Variants in EPSTI1 observed in about 807,000 individuals in gnomAD.
EPSTI1 encodes epithelial stromal interaction 1.
In EPSTI1, 66 loss-of-function variants were observed where a neutral mutation model predicts 49.9. The observed-to-expected ratio is 1.32, with a 90% CI of 1.08 to 1.62. The LOEUF is 1.62. Among genes scored for constraint, EPSTI1 ranks in the 40% most tolerant of loss-of-function variants. EPSTI1 has a pLI of 0.00. For synonymous variants in EPSTI1, 137 were observed against 130.7 expected, an observed-to-expected ratio of 1.05 and a Z score of -0.33; for missense variants, 394 against 365.5, an observed-to-expected ratio of 1.08 and a Z score of -0.64.
chr13:42,897,231 T>C (rs1296681704), intron 9 of EPSTI1, among the ~76,000 whole-genome samples: 2 of 152,206 alleles, frequency 1.3e-5, no homozygotes, highest in East Asian at 1.9e-4. Flanking sequence ...CTAGTCTCTA[T>C]GTGGCTGGTT....
At position 42,888,461 on chromosome 13, in the gene EPSTI1, G is replaced by T. The variant is rs142443045; in HGVS notation, c.*33C>A. 5.2e-5 allele frequency: 84 copies of T among 1,613,914 alleles called. No homozygotes were observed. Among genetic ancestry groups the T allele is most frequent in the Non-Finnish European group, 6.7e-5 (79 of 1,179,958 alleles). On this transcript the variant is annotated 3_prime_UTR_variant, in exon 11 of 11. Transcript: ENST00000313624. ...CATCTCATGAGGCTTTTCGAGGTCA[G>T]TTGATGAAGGCCAGATAGGAGTCAA...
At chr13:42,954,393 T>C (rs2039196755) in intron 5 of EPSTI1, among the ~76,000 whole-genome samples, 2 of 152,222 alleles carry the variant, frequency 1.3e-5, no homozygotes, top group Admixed American at 6.5e-5. Flanking sequence ...TTATAATAAA[T>C]GGTTAAACAG....
At position 42,888,002 on chromosome 13, in the gene EPSTI1, AATTT is replaced by A. The variant is rs897218872; in HGVS notation, c.*488_*491del. 6 of 315,644 alleles carry A rather than the reference AATTT, an allele frequency of 1.9e-5. No homozygotes were observed. The highest frequency in any genetic ancestry group is 6.4e-5 in the African/African-American group (3 of 46,518). The allele number at this position is 315,644 out of a possible 1,614,324, so 19.6% of individuals were successfully genotyped here. On this transcript the variant is annotated 3_prime_UTR_variant, in exon 11 of 11. Transcript: ENST00000313624. The stretch of plus-strand genomic sequence containing the variant: ...ACCCATTTATACAGAAGGAGTTCAA[AATTT>A]ATTTATAAATTTGTGTAAAAGAATA...
intron 6 of EPSTI1, among the ~76,000 whole-genome samples, chr13:42,930,188 G>A (rs2038316658): frequency 6.6e-6 from 1 of 152,168 alleles, no homozygotes; most frequent in South Asian, 2.1e-4. Flanking sequence ...GCGTGTCTTA[G>A]GAACTGTCTG....
At chr13:42,890,845 G>A (rs190281654) in intron 10 of EPSTI1, among the ~76,000 whole-genome samples, 24 of 151,688 alleles carry the variant, frequency 1.6e-4, no homozygotes, top group Admixed American at 1.1e-3. Context: ...ATATCTTAAC[G>A]GAAATGTTTT....
Position 42,964,081 on chromosome 13 carries a change from A to T in EPSTI1, c.390T>A (p.Ser130=). 1 of 1,613,516 alleles carries T rather than the reference A, an allele frequency of 6.2e-7. No individual in the cohort carries two copies. Among genetic ancestry groups the T allele is most frequent in the Non-Finnish European group, 8.5e-7 (1 of 1,179,702 alleles). Residue 130 remains serine (S), a synonymous_variant, in exon 4 of 11, where the codon TCT becomes TCA. Coordinates refer to ENST00000313624, the MANE Select transcript of EPSTI1 (RefSeq NM_033255.5). ...GAATTCTGACCTTTTGCTTGTATTT[A>T]GATTGCATCAGCTGGAGTTGTTGTT... is the stretch of plus-strand genomic sequence containing the variant. ...RQKQQLQLMQ[S]KYKQKLKREE...
At chr13:42,901,713 T>C (rs2037358024) in intron 8 of EPSTI1, among the ~76,000 whole-genome samples, 1 of 152,232 alleles carries the variant, frequency 6.6e-6, no homozygotes, top group Non-Finnish European at 1.5e-5. Flanking sequence ...CTGCATGTGG[T>C]TTCATAAGTA....
At chr13:42,963,551 G>T in intron 4 of EPSTI1, 1 of 560,062 alleles carries the variant, frequency 1.8e-6, no homozygotes, top group Non-Finnish European at 3.1e-6. Flanking sequence ...TTTCTTCCTT[G>T]GTCTGTCTCT....
intron 10 of EPSTI1, among the ~76,000 whole-genome samples, chr13:42,890,868 A>T (rs962975956): frequency 2.2e-4 from 34 of 151,500 alleles, no homozygotes; most frequent in Non-Finnish European, 3.7e-4. Flanking sequence ...ATGTATTTTT[A>T]TTATTATTAT....
At chr13:42,940,009 C>G (rs1265002219) in intron 6 of EPSTI1, among the ~76,000 whole-genome samples, 3 of 152,186 alleles carry the variant, frequency 2.0e-5, no homozygotes, top group Non-Finnish European at 2.9e-5. Context: ...AATCTATTCA[C>G]AACACAGCAA....
chr13:42,950,346 T>G (rs190873933), intron 6 of EPSTI1, among the ~76,000 whole-genome samples: 2 of 152,384 alleles, frequency 1.3e-5, no homozygotes, highest in East Asian at 3.9e-4. Flanking sequence ...TCTGCTTGTG[T>G]ATTTTCAGCC....
At chr13:42,897,016 C>T (rs1307198208) in intron 9 of EPSTI1, among the ~76,000 whole-genome samples, 1 of 150,930 alleles carries the variant, frequency 6.6e-6, no homozygotes, top group Non-Finnish European at 1.5e-5. Flanking sequence ...AGGAGAATCG[C>T]TTGAACCTGG....
chr13:42,969,107 C>A lies in EPSTI1; in HGVS notation c.318G>T (p.Val106=). The change falls in exon 3 of 11, where the codon GTG becomes GTT. Residue 106 remains valine, a synonymous_variant. Coordinates refer to ENST00000313624, the MANE Select transcript of EPSTI1 (RefSeq NM_033255.5). ...EQNRAKPVHL[V]PRRLGGSQSE... ...GTGCTTGCTTACCTAGCCGTCTGGG[C>A]ACCAGGTGAACCGGTTTAGCTCTGT... 2.5e-6 allele frequency: 4 copies of A among 1,614,176 alleles called. No individual in the cohort carries two copies. In the South Asian group the frequency reaches 3.3e-5, roughly 13 times the overall value.
chr13:42,913,917 G>A (rs1341190552), intron 8 of EPSTI1, among the ~76,000 whole-genome samples: 2 of 152,118 alleles, frequency 1.3e-5, no homozygotes. Context: ...GAGTTCTCAG[G>A]AAATATGGTT....
chr13:42,960,929 T>G (rs776433800), intron 5 of EPSTI1, among the ~76,000 whole-genome samples: 4 of 152,226 alleles, frequency 2.6e-5, no homozygotes, highest in Non-Finnish European at 5.9e-5. Flanking sequence ...TAAGGTCAGT[T>G]GATTAGCAAC....
At chr13:42,926,286 A>C (rs1163845575) in intron 7 of EPSTI1, 50 bp downstream of exon 7, 1 of 1,046,154 alleles carries the variant, frequency 9.6e-7, no homozygotes, top group Non-Finnish European at 1.5e-6. Flanking sequence ...CAGTCACTAA[A>C]TACCTCTATA....
At chr13:42,891,658 T>C (rs752186567) in intron 10 of EPSTI1, among the ~76,000 whole-genome samples, 6 of 152,236 alleles carry the variant, frequency 3.9e-5, no homozygotes, top group Non-Finnish European at 7.3e-5. Context: ...TATCTAATCA[T>C]TTTAGCATGT....
In EPSTI1 at chr13:42,955,881, G is replaced by T. The variant is rs76933818; in HGVS notation, c.490-1860C>A. Among the ~76,000 whole-genome samples, 13 of 121,506 alleles carry T rather than the reference G, an allele frequency of 1.1e-4. 1 individual carries two copies. The highest frequency in any genetic ancestry group is 5.6e-4 in the Admixed American group (7 of 12,498). The allele number at this position is 121,506 out of a possible 152,430, so 79.7% of individuals were successfully genotyped here. ...GATAGTTGATGAAGAAGTATTTGGG[G>T]GGGGGGGGAAGTAGTAGTAGTAGTA... On this transcript the variant is annotated intron_variant, in intron 5 of 10. Transcript: ENST00000313624.
intron 9 of EPSTI1, among the ~76,000 whole-genome samples, chr13:42,895,551 A>T (rs1476003562): frequency 6.6e-6 from 1 of 152,172 alleles, no homozygotes; most frequent in Non-Finnish European, 1.5e-5. Flanking sequence ...CCTGCACTCC[A>T]CTGCCAGTCT....
Sources: allele counts gnomAD v4.1 joint callset (sites outside exome capture counted in the v4.1 genomes callset), GRCh38; gene constraint gnomAD v4.1.1; transcripts MANE v1.5; gene names NCBI Gene and HGNC (gene_info 2026-07-23, HGNC 2026-07-21).